Variants in ME1 observed in about 807,000 individuals in gnomAD.
ME1 encodes malic enzyme 1, also known as NADP-dependent malic enzyme.
ME1 carries 74 observed loss-of-function variants against 66.4 expected under a neutral mutation model. That is an observed-to-expected ratio of 1.11 (90% CI 0.92 to 1.35). The LOEUF (loss-of-function observed/expected upper bound fraction) is 1.35. ME1 is among the 40% of genes most tolerant of loss of function. The probability of loss-of-function intolerance (pLI) is 0.00; values close to 1 mark genes in which losing one functional copy is unlikely to be tolerated. For missense variants in ME1, 750 were observed against 694.1 expected, an observed-to-expected ratio of 1.08 and a Z score of -0.90; for synonymous variants, 251 against 235.6, an observed-to-expected ratio of 1.07 and a Z score of -0.60.
intron 6 of ME1, among the ~76,000 whole-genome samples, chr6:83,311,708 A>T (rs1283707178): frequency 6.6e-6 from 1 of 152,126 alleles, no homozygotes; most frequent in Non-Finnish European, 1.5e-5. Context: ...GAGTGACAGA[A>T]GAAAAGGATG....
intron 3 of ME1, among the ~76,000 whole-genome samples, chr6:83,387,310 G>A (rs1002495600): frequency 2.6e-5 from 4 of 152,152 alleles, no homozygotes; most frequent in African/African-American, 9.6e-5. Context: ...ATTATAATCT[G>A]TACTATACAA....
intron 2 of ME1, among the ~76,000 whole-genome samples, chr6:83,404,592 T>C (rs1360814993): frequency 6.6e-6 from 1 of 152,238 alleles, no homozygotes; most frequent in East Asian, 1.9e-4. Context: ...CATGCCTATG[T>C]CCTGAATGTA....
At chr6:83,398,122 G>A in intron 3 of ME1, among the ~76,000 whole-genome samples, 1 of 152,092 alleles carries the variant, frequency 6.6e-6, no homozygotes, top group Middle Eastern at 3.2e-3. Flanking sequence ...CGTGAAAACT[G>A]CTAAAAGTAG....
chr6:83,237,340 G>A (rs13207977), intron 9 of ME1, among the ~76,000 whole-genome samples: 1 of 119,058 alleles, frequency 8.4e-6, no homozygotes, highest in East Asian at 2.5e-4. Context: ...AAGGAAGGAA[G>A]GAAAGAAAGA....
chr6:83,319,559 G>A (rs1051127931), intron 5 of ME1, among the ~76,000 whole-genome samples: 1 of 152,064 alleles, frequency 6.6e-6, no homozygotes, highest in Non-Finnish European at 1.5e-5. Context: ...ATAATTCTCT[G>A]GGTCCCCAAT....
chr6:83,294,667 G>A (rs550267885), intron 6 of ME1, among the ~76,000 whole-genome samples: 1 of 152,058 alleles, frequency 6.6e-6, no homozygotes. Context: ...CCTCAGAATG[G>A]GTAAGGAGCA....
At chr6:83,272,067 T>C (rs1767090820) in intron 6 of ME1, among the ~76,000 whole-genome samples, 1 of 152,202 alleles carries the variant, frequency 6.6e-6, no homozygotes, top group African/African-American at 2.4e-5. Flanking sequence ...CAAGTTTTCA[T>C]GCACAAAATG....
At chr6:83,290,400 A>G (rs1767479768) in intron 6 of ME1, among the ~76,000 whole-genome samples, 1 of 152,200 alleles carries the variant, frequency 6.6e-6, no homozygotes, top group African/African-American at 2.4e-5. Flanking sequence ...GTAGTCATTC[A>G]GGAGCAGGTT....
chr6:83,407,983 G>C (rs1180091895), intron 1 of ME1, 82 bp from the exon 2 acceptor site: 1 of 1,434,072 alleles, frequency 7.0e-7, no homozygotes, highest in Non-Finnish European at 9.2e-7. Context: ...AATCTGACAA[G>C]TATATGCAAT....
rs760517935 is a variant in ME1 at position 83,407,844 on chromosome 6, G to A, written c.136C>T (p.Pro46Ser). Residue 46 changes from proline to serine, a missense_variant, in exon 2 of 14, where the codon CCT becomes TCT. Physicochemically the swap from Pro to Ser is moderately conservative, Grantham distance 74. Transcript: ENST00000369705. ...TGGATCTCCTGACTGTTGAAGGAAG[G>A]TGGCAACAATCCATGAATGTTCAAT... Reference protein sequence around the residue: ...QQLNIHGLLPPSFNSQEIQVL... With the variant: ...QQLNIHGLLPSSFNSQEIQVL... The A allele has an allele frequency of 1.2e-6, 2 of 1,613,460 alleles. No homozygotes were observed. Among genetic ancestry groups the A allele is most frequent in the South Asian group, 1.1e-5 (1 of 90,938 alleles).
At chr6:83,220,114 T>C (rs1790063438) in intron 12 of ME1, among the ~76,000 whole-genome samples, 1 of 152,204 alleles carries the variant, frequency 6.6e-6, no homozygotes, top group Non-Finnish European at 1.5e-5. Flanking sequence ...AATTTCATTG[T>C]TTCTTCTCTA....
chr6:83,352,447 T>A (rs1304942610), intron 3 of ME1, among the ~76,000 whole-genome samples: 1 of 152,182 alleles, frequency 6.6e-6, no homozygotes, highest in Non-Finnish European at 1.5e-5. Context: ...CATTATCAGT[T>A]CCACTCACAA....
intron 2 of ME1, among the ~76,000 whole-genome samples, chr6:83,401,065 C>A (rs1769828642): frequency 6.6e-6 from 1 of 152,220 alleles, no homozygotes; most frequent in South Asian, 2.1e-4. Context: ...ATTCTCAGCT[C>A]CTCTTTACCC....
chr6:83,323,381 C>T lies in ME1; in HGVS notation c.601-7968G>A, dbSNP rs1366369947. The stretch of plus-strand genomic sequence containing the variant: ...GGCAAACAGGATAAAGAGTCAATAC[C>T]CATCAGTGTGCTGTATTCAGGAGAC... On this transcript the variant is annotated intron_variant, in intron 5 of 13. Coordinates refer to ENST00000369705, the MANE Select transcript of ME1 (RefSeq NM_002395.6). 2.0e-4 allele frequency among the ~76,000 whole-genome samples: 30 copies of T among 151,976 alleles called. 1 individual carries two copies. Among genetic ancestry groups the T allele is most frequent in the Non-Finnish European group, 2.9e-5 (2 of 68,002 alleles).
intron 5 of ME1, among the ~76,000 whole-genome samples, chr6:83,332,968 T>C (rs939534961): frequency 6.6e-6 from 1 of 152,200 alleles, no homozygotes; most frequent in Non-Finnish European, 1.5e-5. Context: ...TACTTCTGTT[T>C]TGGCATCTTA....
intron 12 of ME1, among the ~76,000 whole-genome samples, chr6:83,223,326 T>C (rs1288316127): frequency 6.6e-6 from 1 of 152,124 alleles, no homozygotes; most frequent in Non-Finnish European, 1.5e-5. Flanking sequence ...GGCTAATGTT[T>C]GTATTTTTAG....
At chr6:83,376,804 C>CCAAAAAAAAAAAAAAAAA (rs768668584) in intron 3 of ME1, among the ~76,000 whole-genome samples, 2 of 87,124 alleles carry the variant, frequency 2.3e-5, no homozygotes, top group African/African-American at 7.8e-5. Context: ...CCCTGTCTCA[C>CCAAAAAAAAAAAAAAAAA]AAAAAAAAAA....
chr6:83,237,283 G>GAAAGA (rs760577002), intron 9 of ME1, among the ~76,000 whole-genome samples: 2 of 46,764 alleles, frequency 4.3e-5, no homozygotes, highest in African/African-American at 9.3e-5. Context: ...AAGAAAGGAA[G>GAAAGA]GAAGGAAGGA....
At chr6:83,313,777 G>A (rs1767973869) in intron 6 of ME1, among the ~76,000 whole-genome samples, 1 of 150,070 alleles carries the variant, frequency 6.7e-6, no homozygotes, top group South Asian at 2.1e-4. Flanking sequence ...AAACTGCAGA[G>A]TTTCTCAACT....
Sources: allele counts gnomAD v4.1 joint callset (sites outside exome capture counted in the v4.1 genomes callset), GRCh38; gene constraint gnomAD v4.1.1; transcripts MANE v1.5; gene names NCBI Gene and HGNC (gene_info 2026-07-23, HGNC 2026-07-21).